The following EPHA5 variants were observed in gnomAD, a reference collection of about 807,000 sequenced individuals.
EPHA5 encodes EPH receptor A5, also known as ephrin type-A receptor 5.
Under a neutral mutation model 105.0 loss-of-function variants are expected in EPHA5, and 60 were observed. The ratio of observed to expected loss-of-function variants is 0.57; its 90% confidence interval spans 0.46 to 0.71. EPHA5 has a LOEUF of 0.71. EPHA5 is among the 30% of genes least tolerant of loss of function. EPHA5 has a pLI of 0.00. For missense variants in EPHA5, 1,218 were observed against 1,274.7 expected, an observed-to-expected ratio of 0.96 and a Z score of 0.68; for synonymous variants, 513 against 449.1, an observed-to-expected ratio of 1.14 and a Z score of -1.80.
chr4:65,484,136 C>CT (rs36121843), intron 5 of EPHA5, among the ~76,000 whole-genome samples: 18 of 152,004 alleles, frequency 1.2e-4, no homozygotes, highest in Admixed American at 6.6e-4. Context: ...AAAAGGTGAC[C>CT]TTTTTTTTCT....
chr4:65,516,737 T>C (rs992859097), intron 3 of EPHA5, among the ~76,000 whole-genome samples: 4 of 152,144 alleles, frequency 2.6e-5, no homozygotes, highest in African/African-American at 9.7e-5. Context: ...CTTTTAAATC[T>C]ATTTGCCTTT....
At chr4:65,508,708 G>A (rs1246641816) in intron 3 of EPHA5, among the ~76,000 whole-genome samples, 1 of 151,918 alleles carries the variant, frequency 6.6e-6, no homozygotes, top group African/African-American at 2.4e-5. Context: ...CATTGCCCAG[G>A]TTGTGTATAA....
At chr4:65,375,088 T>C (rs1397318062) in intron 8 of EPHA5, among the ~76,000 whole-genome samples, 2 of 151,970 alleles carry the variant, frequency 1.3e-5, no homozygotes, top group African/African-American at 4.8e-5. Context: ...TTTTTAGTCC[T>C]GATTCCTACC....
rs1719827009 is a variant in EPHA5 at position 65,323,829 on chromosome 4, T to C, written c.*285A>G. On this transcript the variant is annotated 3_prime_UTR_variant, in exon 17 of 17. Transcript: ENST00000613740. ...AATTATATATTTCATGTACAAAATT[T>C]TGTAGAAGTAGTGGGAAGGATTCTG... The C allele has an allele frequency of 1.1e-5, 3 of 265,568 alleles. No homozygotes were observed. The highest frequency in any genetic ancestry group is 2.2e-5 in the Non-Finnish European group (3 of 139,024). 16.5% of individuals were successfully genotyped at this position (265,568 alleles called of 1,614,324 possible). A position where few individuals can be genotyped will look rare whatever the true frequency, so the allele number is the denominator to read the frequency against.
chr4:65,639,191 G>A (rs1048157317), intron 2 of EPHA5, among the ~76,000 whole-genome samples: 1 of 152,178 alleles, frequency 6.6e-6, no homozygotes, highest in African/African-American at 2.4e-5. Context: ...GGAAAATAAA[G>A]ATGCAGTTTT....
intron 3 of EPHA5, among the ~76,000 whole-genome samples, chr4:65,514,026 T>A (rs1359187923): frequency 1.3e-5 from 2 of 152,172 alleles, no homozygotes; most frequent in Non-Finnish European, 2.9e-5. Flanking sequence ...TAATCTTTTT[T>A]TCATATTCTC....
rs2148797300 is a variant in EPHA5 at position 65,331,883 on chromosome 4, A to T, written c.2945+90T>A. The stretch of plus-strand genomic sequence containing the variant: ...GAGCTGCCACACATCCGCAAAGGTT[A>T]ACTGATTTCCCTTACCTCATCCAGA... On this transcript the variant is annotated intron_variant, in intron 16 of 16. Transcript: ENST00000613740. 4 of 1,493,200 alleles carry T rather than the reference A, an allele frequency of 2.7e-6. No individual in the cohort carries two copies. In the African/African-American group the frequency reaches 5.6e-5, roughly 21 times the overall value. 92.5% of individuals were successfully genotyped at this position (1,493,200 alleles called of 1,614,324 possible).
chr4:65,483,066 T>C (rs566156565), intron 5 of EPHA5, among the ~76,000 whole-genome samples: 5 of 152,142 alleles, frequency 3.3e-5, no homozygotes, highest in Admixed American at 2.6e-4. Flanking sequence ...TGTGTCCAAG[T>C]GTTCTCATTG....
At chr4:65,449,196 T>C (rs912313690) in intron 5 of EPHA5, among the ~76,000 whole-genome samples, 5 of 152,162 alleles carry the variant, frequency 3.3e-5, no homozygotes, top group Non-Finnish European at 7.3e-5. Flanking sequence ...AGGCAATTTG[T>C]AGAATAAACT....
At chr4:65,603,071 C>T (rs573038865) in intron 2 of EPHA5, among the ~76,000 whole-genome samples, 1 of 152,010 alleles carries the variant, frequency 6.6e-6, no homozygotes, top group South Asian at 2.1e-4. Context: ...ATGTTGGGAC[C>T]CCATTAATTC....
chr4:65,565,729 A>G (rs1162715295), intron 3 of EPHA5, among the ~76,000 whole-genome samples: 2 of 151,684 alleles, frequency 1.3e-5, no homozygotes, highest in African/African-American at 4.8e-5. Flanking sequence ...GGAGGATGCC[A>G]AACTCTAGCT....
At chr4:65,479,450 A>AT (rs1241254338) in intron 5 of EPHA5, among the ~76,000 whole-genome samples, 6 of 152,210 alleles carry the variant, frequency 3.9e-5, no homozygotes, top group African/African-American at 1.4e-4. Flanking sequence ...TTCTTCTGAA[A>AT]TAAATCACAT....
At position 65,351,413 on chromosome 4, in the gene EPHA5, A is replaced by T; in HGVS notation, c.2421T>A (p.Asp807Glu). 1.2e-6 allele frequency: 2 copies of T among 1,613,704 alleles called. No individual in the cohort carries two copies. The highest frequency in any genetic ancestry group is 8.5e-7 in the Non-Finnish European group (1 of 1,179,772). ...CCCTTGTGGTGTAGGCTGCCTCGGG[A>T]TCATCTTCCAGTACCCGGGAAAGTC... ...DFGLSRVLEDDPEAAYTTRGG... is the reference protein window; with the variant it reads ...DFGLSRVLEDEPEAAYTTRGG... Residue 807 changes from aspartate (D) to glutamate (E), a missense_variant, in exon 13 of 17, where the codon GAT (aspartate) becomes GAA (glutamate). By Grantham distance (45) the Asp-to-Glu change is conservative. Transcript: ENST00000613740.
intron 5 of EPHA5, among the ~76,000 whole-genome samples, chr4:65,434,976 GAGAC>G (rs1725339653): frequency 6.6e-6 from 1 of 152,038 alleles, no homozygotes; most frequent in Admixed American, 6.6e-5. Flanking sequence ...GTATACATAG[GAGAC>G]ACCACAGAAA....
At position 65,336,072 on chromosome 4, in the gene EPHA5, A is replaced by C; in HGVS notation, c.2649T>G (p.Pro883=). 6.2e-7 allele frequency: 1 copy of C among 1,613,126 alleles called. No individual in the cohort carries two copies. Among genetic ancestry groups the C allele is most frequent in the Non-Finnish European group, 8.5e-7 (1 of 1,179,478 alleles). The part of the protein sequence containing the change: ...GYRLPSPMDC[P]AALYQLMLDC... The stretch of plus-strand genomic sequence containing the variant: ...CCAGCATTAACTGATAGAGAGCAGC[A>C]GGACAATCCATGGGGCTTGGCAGAC... The change falls in exon 15 of 17, where the codon CCT becomes CCG. Residue 883 remains proline (P), a synonymous_variant. Transcript: ENST00000613740.
At chr4:65,639,481 C>CA (rs1747448385) in intron 2 of EPHA5, among the ~76,000 whole-genome samples, 2 of 152,094 alleles carry the variant, frequency 1.3e-5, no homozygotes, top group East Asian at 3.9e-4. Flanking sequence ...ATCTTTTATA[C>CA]AAGGTGAGAT....
chr4:65,664,546 A>C (rs576274096), intron 1 of EPHA5, among the ~76,000 whole-genome samples: 7 of 152,074 alleles, frequency 4.6e-5, no homozygotes, highest in Admixed American at 1.3e-4. Context: ...ACATATGATA[A>C]ATTTTTAAAA....
In EPHA5 at chr4:65,490,571, C is replaced by A; in HGVS notation, c.1208G>T (p.Gly403Val). The A allele has an allele frequency of 1.2e-6, 2 of 1,614,150 alleles. No individual in the cohort carries two copies. The highest frequency in any genetic ancestry group is 2.2e-5 in the South Asian group (2 of 91,086). Residue 403 changes from glycine (G) to valine (V), a missense_variant, in exon 5 of 17, where the codon GGT becomes GTT. Coordinates refer to ENST00000613740, the MANE Select transcript of EPHA5 (RefSeq NM_001281766.3). The part of the protein sequence containing the change: ...IACKKCNSHA[G>V]VCEECGGHVR... ...ATGACCGCCACACTCCTCACACACA[C>A]CTGCATGGGAGTTGCACTTCTTGCA...
At chr4:65,476,115 A>AGTGTGT (rs1371610921) in intron 5 of EPHA5, among the ~76,000 whole-genome samples, 15 of 118,008 alleles carry the variant, frequency 1.3e-4, no homozygotes, top group Non-Finnish European at 1.1e-4. Context: ...AGAGAGAGAG[A>AGTGTGT]GAGAGAGAGA....
Sources: allele counts gnomAD v4.1 joint callset (sites outside exome capture counted in the v4.1 genomes callset), GRCh38; gene constraint gnomAD v4.1.1; transcripts MANE v1.5; gene names NCBI Gene and HGNC (gene_info 2026-07-23, HGNC 2026-07-21).